Variants in THADA observed in about 807,000 individuals in gnomAD.
The protein encoded by THADA is THADA armadillo repeat containing.
A neutral mutation model predicts 219.8 loss-of-function variants in THADA; 213 were observed. The observed-to-expected ratio is 0.97, with a 90% CI of 0.87 to 1.09. The LOEUF (loss-of-function observed/expected upper bound fraction) is 1.09. Ranked by LOEUF, THADA falls within the 50% of genes least tolerant of loss-of-function variation. THADA has a pLI of 0.00. For missense variants in THADA, 2,956 were observed against 2,311.3 expected (o/e 1.28, Z -5.72); for synonymous variants, 1,018 against 828.9 (o/e 1.23, Z -3.92).
intron 28 of THADA, among the ~76,000 whole-genome samples, chr2:43,403,050 T>C (rs545061809): frequency 6.6e-6 from 1 of 152,222 alleles, no homozygotes; most frequent in Non-Finnish European, 1.5e-5. Context: ...AATTATTTCA[T>C]TAATCTTCAT....
chr2:43,485,262 C>T lies in THADA; in HGVS notation c.3808G>A (p.Ala1270Thr). 2 of 1,612,746 alleles carry T rather than the reference C, an allele frequency of 1.2e-6. No homozygotes were observed. Among genetic ancestry groups the T allele is most frequent in the Admixed American group, 1.7e-5 (1 of 59,940 alleles). The change falls in exon 26 of 38, where the codon GCA becomes ACA. Residue 1270 changes from alanine to threonine, a missense_variant. Physicochemically the swap from Ala to Thr is moderately conservative, Grantham distance 58 (BLOSUM62 0). Coordinates refer to ENST00000405975, the MANE Select transcript of THADA (RefSeq NM_022065.5). ...TTTGTTTTGGAATGTTCATCCTTTG[C>T]CCTTTTAACTCCAAAAATTCTTGTG... ...LITRIFGVKRAKDEHSKTNRM... is the reference protein window; with the variant it reads ...LITRIFGVKRTKDEHSKTNRM...
chr2:43,252,750 A>G (rs1159633763), intron 36 of THADA, among the ~76,000 whole-genome samples: 1 of 152,160 alleles, frequency 6.6e-6, no homozygotes, highest in African/African-American at 2.4e-5. Context: ...ACCAGGCTCA[A>G]CAATGTTCCC....
chr2:43,247,100 G>A (rs551750149), intron 36 of THADA, among the ~76,000 whole-genome samples: 13 of 152,250 alleles, frequency 8.5e-5, no homozygotes, highest in African/African-American at 3.1e-4. Context: ...AGACTCCAGG[G>A]GTCCACTGCC....
chr2:43,275,785 A>G (rs1672665881), intron 36 of THADA, among the ~76,000 whole-genome samples: 11 of 152,164 alleles, frequency 7.2e-5, no homozygotes, highest in Admixed American at 7.2e-4. Context: ...AGCTTCACAA[A>G]TTTGTACCTT....
intron 31 of THADA, among the ~76,000 whole-genome samples, chr2:43,312,928 A>G (rs982156923): frequency 6.6e-6 from 1 of 152,216 alleles, no homozygotes; most frequent in South Asian, 2.1e-4. Context: ...ATTGTTTTCA[A>G]TTTGTTAAAA....
chr2:43,555,500 G>A (rs1482843997), intron 17 of THADA, among the ~76,000 whole-genome samples: 2 of 151,894 alleles, frequency 1.3e-5, no homozygotes, highest in South Asian at 2.1e-4. Flanking sequence ...AAGCCTTTAT[G>A]TGAAGCATGC....
rs1404429615 is a variant in THADA, at chr2:43,291,767, A to G, written c.4939T>C (p.Ser1647Pro). The G allele has an allele frequency of 3.2e-6, 5 of 1,543,758 alleles. No individual in the cohort carries two copies. The Admixed American group carries it at 6.1e-5, about 19-fold the overall frequency. ...WTMDIASNER[S>P]EIQSVALRLA... ...CTCAGAGCTACACTCTGAATTTCAG[A>G]TCTAGAAAAATAAACAAACAAAAAA... The change falls in exon 34 of 38, where the codon TCT (serine) becomes CCT (proline). Residue 1647 changes from serine to proline, a missense_variant and splice_region_variant. Ser to Pro is a moderately conservative substitution (Grantham distance 74). Transcript: ENST00000405975.
At chr2:43,382,607 T>C (rs1213060982) in intron 29 of THADA, among the ~76,000 whole-genome samples, 1 of 152,142 alleles carries the variant, frequency 6.6e-6, no homozygotes, top group Non-Finnish European at 1.5e-5. Flanking sequence ...TTAACAGTTA[T>C]AAAAGAGGAA....
At chr2:43,486,885 T>G (rs957237993) in intron 25 of THADA, among the ~76,000 whole-genome samples, 5 of 152,168 alleles carry the variant, frequency 3.3e-5, no homozygotes, top group African/African-American at 1.2e-4. Context: ...AAAACAGTGG[T>G]AGGCTAGTTT....
intron 4 of THADA, among the ~76,000 whole-genome samples, chr2:43,589,269 A>G (rs975738160): frequency 2.0e-5 from 3 of 152,244 alleles, no homozygotes; most frequent in African/African-American, 4.8e-5. Flanking sequence ...CAGTATATGC[A>G]TACAACAGAA....
chr2:43,527,752 C>A, intron 22 of THADA, 127 bp downstream of exon 22: 1 of 592,720 alleles, frequency 1.7e-6, no homozygotes, highest in East Asian at 2.9e-5. Flanking sequence ...CAATTTCTTC[C>A]AAGAGTTTTG....
chr2:43,389,124 G>A (rs1025291045), intron 29 of THADA, among the ~76,000 whole-genome samples: 1 of 152,118 alleles, frequency 6.6e-6, no homozygotes, highest in African/African-American at 2.4e-5. Flanking sequence ...AGAAGTGGAG[G>A]CACAGAAATT....
At chr2:43,334,005 A>G (rs1403999928) in intron 30 of THADA, among the ~76,000 whole-genome samples, 1 of 152,222 alleles carries the variant, frequency 6.6e-6, no homozygotes, top group East Asian at 1.9e-4. Flanking sequence ...GCTGTTGTAA[A>G]GCAAAATAGA....
At chr2:43,471,399 C>G (rs1684886212) in intron 26 of THADA, among the ~76,000 whole-genome samples, 1 of 152,080 alleles carries the variant, frequency 6.6e-6, no homozygotes, top group Admixed American at 6.5e-5. Flanking sequence ...GGGTGGTGCA[C>G]ATCTGTAGTC....
At chr2:43,264,474 G>A (rs1406069482) in intron 36 of THADA, among the ~76,000 whole-genome samples, 2 of 151,816 alleles carry the variant, frequency 1.3e-5, no homozygotes, top group African/African-American at 2.4e-5. Flanking sequence ...TAGTAGAGAC[G>A]GGGTTTCTCC....
rs201791678 is a variant in THADA, at chr2:43,263,400, T to TG, written c.5296+16364dup. On this transcript the variant is annotated intron_variant, in intron 36 of 37. Transcript: ENST00000405975. Reference sequence around the variant, plus strand: ...AATATATGCTGGGTGGGTGGGTGATTGGGGGGGCATTTTAAATACCTGGAT... The same window carrying TG: ...AATATATGCTGGGTGGGTGGGTGATTGGGGGGGGCATTTTAAATACCTGGAT... Among the ~76,000 whole-genome samples the TG allele has an allele frequency of 3.0e-4, 45 of 149,106 alleles. No individual in the cohort carries two copies. In the East Asian group the frequency reaches 5.9e-3, roughly 20 times the overall value.
At chr2:43,348,818 G>A (rs1273554717) in intron 29 of THADA, among the ~76,000 whole-genome samples, 1 of 152,184 alleles carries the variant, frequency 6.6e-6, no homozygotes, top group Non-Finnish European at 1.5e-5. Flanking sequence ...TCCGTGTGAT[G>A]ACTGCTTTAC....
chr2:43,377,341 T>A (rs1671496443), intron 29 of THADA, among the ~76,000 whole-genome samples: 1 of 152,206 alleles, frequency 6.6e-6, no homozygotes, highest in African/African-American at 2.4e-5. Flanking sequence ...CAGTCAATGC[T>A]TGACTGAGGT....
chr2:43,267,705 G>C lies in THADA; in HGVS notation c.5296+12060C>G, dbSNP rs1285496488. Among the ~76,000 whole-genome samples the C allele has an allele frequency of 2.0e-5, 3 of 151,786 alleles. No homozygotes were observed. The East Asian group carries it at 5.8e-4, about 29-fold the overall frequency. ...GCACTGCCATCTGGGGCCATGTGAG[G>C]GATGGTGTGTCTTGAAAATGTCAGA... On this transcript the variant is annotated intron_variant, in intron 36 of 37. Coordinates refer to ENST00000405975, the MANE Select transcript of THADA (RefSeq NM_022065.5).
Sources: allele counts gnomAD v4.1 joint callset (sites outside exome capture counted in the v4.1 genomes callset), GRCh38; gene constraint gnomAD v4.1.1; transcripts MANE v1.5; gene names NCBI Gene and HGNC (gene_info 2026-07-23, HGNC 2026-07-21).